The following DMD variants were observed in gnomAD, a reference collection of about 807,000 sequenced individuals.
DMD encodes dystrophin.
A neutral mutation model predicts 330.1 loss-of-function variants in DMD; 63 were observed. That is an observed-to-expected ratio of 0.19 (90% CI 0.16 to 0.24). The LOEUF is 0.24. Among genes scored for constraint, DMD ranks in the 10% least tolerant of loss-of-function variants. The pLI is 1.00. For synonymous variants in DMD, 1,223 were observed against 959.8 expected, an observed-to-expected ratio of 1.27 and a Z score of -5.07; for missense variants, 3,344 against 2,684.1, an observed-to-expected ratio of 1.25 and a Z score of -5.43.
chrX:33,186,199 C>T (rs2050254710), intron 1 of DMD, among the ~76,000 whole-genome samples: 1 of 112,087 alleles, frequency 8.9e-6, no homozygotes, highest in African/African-American at 3.2e-5. Flanking sequence ...TGTTGAATCC[C>T]TATCTCATTC....
intron 1 of DMD, among the ~76,000 whole-genome samples, chrX:33,049,565 G>A (rs746030325): frequency 9.0e-6 from 1 of 110,854 alleles, no homozygotes; most frequent in African/African-American, 3.3e-5. Context: ...GCAGGTTTAA[G>A]ATGCCATTGA....
chrX:33,008,873 CATAT>C (rs1491485871), intron 2 of DMD, among the ~76,000 whole-genome samples: 1 of 40,622 alleles, frequency 2.5e-5, no homozygotes, highest in African/African-American at 8.5e-5. Flanking sequence ...TACACATACT[CATAT>C]ATGTATATAT....
intron 1 of DMD, chrX:33,128,521 C>G: frequency 1.3e-6 from 1 of 771,048 alleles, no homozygotes. Context: ...ACCTCAGTTC[C>G]TCTAGAAATA....
intron 34 of DMD, among the ~76,000 whole-genome samples, chrX:32,366,943 T>C (rs1198198962): frequency 8.9e-6 from 1 of 112,448 alleles, no homozygotes; most frequent in Non-Finnish European, 1.9e-5. Context: ...ATGCATGGGG[T>C]TCTTCATATG....
At chrX:31,522,363 C>CTCTCTCTCTCTCTCTCTCTATATA in intron 55 of DMD, among the ~76,000 whole-genome samples, 7 of 35,962 alleles carry the variant, frequency 1.9e-4, no homozygotes, top group Admixed American at 4.2e-4. Flanking sequence ...CTCTCTCTCT[C>CTCTCTCTCTCTCTCTCTCTATATA]TATATATATA....
chrX:32,886,952 G>A (rs1362709480), intron 2 of DMD, among the ~76,000 whole-genome samples: 1 of 111,558 alleles, frequency 9.0e-6, no homozygotes, highest in Admixed American at 9.5e-5. Flanking sequence ...GGGTAAAAAG[G>A]AACCCAATGA....
chrX:31,471,403 G>A (rs1291918872), intron 59 of DMD, among the ~76,000 whole-genome samples: 2 of 111,677 alleles, frequency 1.8e-5, no homozygotes, highest in Non-Finnish European at 3.8e-5. Flanking sequence ...GCTAGGGGAG[G>A]GAATTCCCTG....
chrX:31,654,213 A>G (rs1355569007), intron 54 of DMD, among the ~76,000 whole-genome samples: 1 of 112,258 alleles, frequency 8.9e-6, no homozygotes, highest in Non-Finnish European at 1.9e-5. Flanking sequence ...GTTTAAAACT[A>G]AAGATTTTAT....
At chrX:31,662,165 C>T (rs2081164516) in intron 53 of DMD, among the ~76,000 whole-genome samples, 1 of 111,573 alleles carries the variant, frequency 9.0e-6, no homozygotes, top group South Asian at 3.7e-4. Context: ...TCCTCCTTTG[C>T]TAAATGGGAA....
chrX:32,410,630 A>G (rs1243519932), intron 30 of DMD, among the ~76,000 whole-genome samples: 4 of 112,001 alleles, frequency 3.6e-5, no homozygotes, highest in African/African-American at 1.3e-4. Flanking sequence ...TGCTCCTCTC[A>G]TCATAGCATG....
intron 53 of DMD, among the ~76,000 whole-genome samples, chrX:31,675,866 T>A (rs752046959): frequency 8.9e-6 from 1 of 112,736 alleles, no homozygotes. Flanking sequence ...ACAATTAAAA[T>A]ATATGTAGAT....
intron 66 of DMD, 102 bp downstream of exon 66, chrX:31,206,480 G>GAT (rs1397828294): frequency 2.2e-5 from 16 of 737,977 alleles, no homozygotes; most frequent in Non-Finnish European, 3.1e-5. Flanking sequence ...TCTTACATGA[G>GAT]GAATCTGCTG....
At chrX:31,476,513 T>C (rs1421889283) in intron 59 of DMD, among the ~76,000 whole-genome samples, 1 of 106,070 alleles carries the variant, frequency 9.4e-6, no homozygotes, top group African/African-American at 3.4e-5. Flanking sequence ...CACATATATA[T>C]ATATATCATA....
chrX:33,338,877 T>C (rs2054294142), intron 1 of DMD, among the ~76,000 whole-genome samples: 1 of 111,725 alleles, frequency 9.0e-6, no homozygotes, highest in Non-Finnish European at 1.9e-5. Context: ...TGTCTGAATA[T>C]GCCAATACAT....
chrX:33,279,803 G>T (rs1303092466), intron 1 of DMD, among the ~76,000 whole-genome samples: 2 of 110,693 alleles, frequency 1.8e-5, no homozygotes, highest in Non-Finnish European at 3.8e-5. Context: ...TTTTACTAAT[G>T]GTTGTTGATG....
chrX:32,727,987 T>A (rs2067089720), intron 7 of DMD, among the ~76,000 whole-genome samples: 1 of 111,817 alleles, frequency 8.9e-6, no homozygotes, highest in Non-Finnish European at 1.9e-5. Context: ...CAGCTGTGTG[T>A]AAATTACATG....
intron 34 of DMD, among the ~76,000 whole-genome samples, chrX:32,373,012 C>A: frequency 9.1e-6 from 1 of 110,402 alleles, no homozygotes; most frequent in Non-Finnish European, 1.9e-5. Context: ...ATCCTCACTA[C>A]TTCTGGAAGT....
intron 60 of DMD, among the ~76,000 whole-genome samples, chrX:31,374,133 C>T (rs1440350890): frequency 3.6e-5 from 3 of 84,411 alleles, no homozygotes; most frequent in Non-Finnish European, 6.8e-5. Flanking sequence ...TACCATCTCA[C>T]ACCAGTTAGA....
chrX:31,592,209 G>C (rs1203928920), intron 55 of DMD, among the ~76,000 whole-genome samples: 2 of 108,321 alleles, frequency 1.8e-5, no homozygotes, highest in East Asian at 5.8e-4. Flanking sequence ...ATATATTCCA[G>C]GTTTCTCAAT....
Sources: gnomAD v4.1 joint callset for allele counts (sites outside exome capture counted in the v4.1 genomes callset) on GRCh38, gnomAD v4.1.1 for gene constraint, MANE v1.5 for transcripts, NCBI Gene and HGNC (gene_info 2026-07-23, HGNC 2026-07-21) for gene names.